CCDC192: variants seen among roughly 807,000 people sequenced by gnomAD.
CCDC192 encodes coiled-coil domain-containing protein 192.
intron 2 of CCDC192, among the ~76,000 whole-genome samples, chr5:127,752,317 G>A (rs1047410277): frequency 2.0e-5 from 3 of 152,144 alleles, no homozygotes; most frequent in African/African-American, 4.8e-5. Context: ...CTGTTTGTTA[G>A]TTTTCCTTCT....
intron 2 of CCDC192, among the ~76,000 whole-genome samples, chr5:127,727,570 C>T (rs558097855): frequency 6.6e-6 from 1 of 152,258 alleles, no homozygotes; most frequent in African/African-American, 2.4e-5. Context: ...CAAAAGTCAG[C>T]AGCCTCAAAG....
At chr5:127,933,339 C>T (rs1359814710) in intron 6 of CCDC192, among the ~76,000 whole-genome samples, 1 of 152,100 alleles carries the variant, frequency 6.6e-6, no homozygotes, top group Non-Finnish European at 1.5e-5. Context: ...GTAGCAGAAG[C>T]AGGGTGACCA....
chr5:127,788,702 A>G (rs527657213), intron 3 of CCDC192, among the ~76,000 whole-genome samples: 6 of 152,234 alleles, frequency 3.9e-5, no homozygotes, highest in Admixed American at 2.0e-4. Context: ...ATATGTTAGT[A>G]TGCTTAATAG....
intron 5 of CCDC192, among the ~76,000 whole-genome samples, chr5:127,849,444 T>C (rs986464179): frequency 6.6e-6 from 1 of 151,990 alleles, no homozygotes; most frequent in Non-Finnish European, 1.5e-5. Flanking sequence ...CTCACCTCTG[T>C]TCAAGAGAAT....
chr5:127,800,511 AT>A (rs1311479450), intron 5 of CCDC192, among the ~76,000 whole-genome samples: 2 of 151,660 alleles, frequency 1.3e-5, no homozygotes, highest in Admixed American at 6.6e-5. Flanking sequence ...GTTGTTGGTC[AT>A]TTTTCCAAAA....
intron 6 of CCDC192, among the ~76,000 whole-genome samples, chr5:127,940,241 G>A (rs1444275887): frequency 6.6e-6 from 1 of 152,090 alleles, no homozygotes; most frequent in Non-Finnish European, 1.5e-5. Context: ...ATGTCCAAGA[G>A]GTATCTGTGA....
At chr5:127,925,448 C>CCT (rs1753837270) in intron 6 of CCDC192, among the ~76,000 whole-genome samples, 1 of 152,152 alleles carries the variant, frequency 6.6e-6, no homozygotes, top group Admixed American at 6.5e-5. Context: ...CACAAGCTGT[C>CCT]CTCAAGAACG....
At chr5:127,873,859 G>A (rs966884370) in intron 5 of CCDC192, among the ~76,000 whole-genome samples, 1 of 152,206 alleles carries the variant, frequency 6.6e-6, no homozygotes, top group African/African-American at 2.4e-5. Context: ...ACCAGAGACA[G>A]AGGTATATAT....
chr5:127,723,687 T>C (rs1752153227), intron 2 of CCDC192, among the ~76,000 whole-genome samples: 1 of 152,268 alleles, frequency 6.6e-6, no homozygotes, highest in African/African-American at 2.4e-5. Context: ...TTTCTCTGGA[T>C]ACTTGGGGAA....
At chr5:127,749,509 T>G (rs1318290632) in intron 2 of CCDC192, among the ~76,000 whole-genome samples, 33 of 151,730 alleles carry the variant, frequency 2.2e-4, no homozygotes, top group Middle Eastern at 3.4e-3. Flanking sequence ...GCTGGATTCG[T>G]TTTGCCAGTA....
At chr5:127,835,682 G>C (rs556200565) in intron 5 of CCDC192, among the ~76,000 whole-genome samples, 26 of 152,262 alleles carry the variant, frequency 1.7e-4, no homozygotes, top group African/African-American at 5.8e-4. Flanking sequence ...CTTTCATGGT[G>C]GCAGGCAAGA....
chr5:127,775,516 C>T (rs979572115), intron 3 of CCDC192, among the ~76,000 whole-genome samples: 1 of 152,172 alleles, frequency 6.6e-6, no homozygotes, highest in African/African-American at 2.4e-5. Flanking sequence ...AGCATGCTAC[C>T]TCCTCTTGGG....
rs1751722878 is a variant in CCDC192, at chr5:127,868,838, G to T, written c.412-6700G>T. ...CCATCTTATCAAAACTCCCCACAAT[G>T]TAGGACACTGGGTAAGACACTGAGG... On this transcript the variant is annotated intron_variant, in intron 5 of 6. Transcript: ENST00000514853. Among the ~76,000 whole-genome samples, 3 of 152,038 alleles carry T rather than the reference G, an allele frequency of 2.0e-5. No individual in the cohort carries two copies. The South Asian group carries it at 6.2e-4, about 32-fold the overall frequency.
At chr5:127,876,779 C>T (rs560839724) in intron 6 of CCDC192, among the ~76,000 whole-genome samples, 1 of 152,194 alleles carries the variant, frequency 6.6e-6, no homozygotes, top group Non-Finnish European at 1.5e-5. Flanking sequence ...AAGGGAGACA[C>T]TCCCAGCACC....
At chr5:127,847,152 G>A (rs1329976622) in intron 5 of CCDC192, among the ~76,000 whole-genome samples, 4 of 152,174 alleles carry the variant, frequency 2.6e-5, no homozygotes, top group African/African-American at 9.7e-5. Context: ...TATGCTTTGT[G>A]TTTCATTACT....
chr5:127,776,279 C>G (rs1306379519), intron 3 of CCDC192, among the ~76,000 whole-genome samples: 3 of 152,214 alleles, frequency 2.0e-5, no homozygotes, highest in Non-Finnish European at 4.4e-5. Flanking sequence ...AAAGATTGCT[C>G]TTTTTATGCT....
intron 1 of CCDC192, 64 bp from the exon 2 acceptor site, chr5:127,707,645 T>G (rs935008222): frequency 2.5e-5 from 10 of 396,868 alleles, no homozygotes; most frequent in Middle Eastern, 1.3e-3. Context: ...TGTGCGGGGG[T>G]GTGTGTGCGC....
chr5:127,782,685 G>T (rs566172363), intron 3 of CCDC192, among the ~76,000 whole-genome samples: 1 of 151,828 alleles, frequency 6.6e-6, no homozygotes, highest in East Asian at 1.9e-4. Context: ...TCTTATTGAG[G>T]TTTTTTGGAT....
intron 6 of CCDC192, among the ~76,000 whole-genome samples, chr5:127,939,272 C>T (rs763049693): frequency 4.0e-5 from 6 of 151,728 alleles, no homozygotes; most frequent in Non-Finnish European, 7.4e-5. Context: ...TGTGCACCAC[C>T]ACACCTGGCT....
Sources: allele counts gnomAD v4.1 joint callset (sites outside exome capture counted in the v4.1 genomes callset), GRCh38; gene constraint gnomAD v4.1.1; transcripts MANE v1.5; gene names NCBI Gene and HGNC (gene_info 2026-07-23, HGNC 2026-07-21).